METAP1D: variants seen among roughly 807,000 people sequenced by gnomAD.
METAP1D encodes the protein methionine aminopeptidase 1D, mitochondrial.
In METAP1D, 31 loss-of-function variants were observed where a neutral mutation model predicts 40.5. The ratio of observed to expected loss-of-function variants is 0.77; its 90% CI spans 0.58 to 1.03. The LOEUF is 1.03. METAP1D is among the 50% of genes least tolerant of loss of function. METAP1D has a pLI of 0.00. For missense variants in METAP1D, 411 were observed against 420.7 expected (o/e 0.98, Z 0.20); for synonymous variants, 151 against 146.4 (o/e 1.03, Z -0.22).
intron 8 of METAP1D, 109 bp from the exon 9 acceptor site, chr2:172,080,019 A>C: frequency 3.4e-6 from 3 of 891,598 alleles, no homozygotes; most frequent in South Asian, 3.2e-5. Context: ...CTGTGGGGGA[A>C]GCACTTGAGG....
chr2:172,006,233 G>C (rs966716776), intron 1 of METAP1D, among the ~76,000 whole-genome samples: 4 of 151,354 alleles, frequency 2.6e-5, no homozygotes, highest in African/African-American at 4.9e-5. Context: ...ACCCAGGCTG[G>C]AGTGCAGTGG....
At chr2:172,003,649 C>T (rs560578968) in intron 1 of METAP1D, among the ~76,000 whole-genome samples, 2 of 152,226 alleles carry the variant, frequency 1.3e-5, no homozygotes, top group African/African-American at 4.8e-5. Flanking sequence ...TGAGGCCTCC[C>T]GAGCCATGCA....
At chr2:172,057,310 T>G (rs756780711) in intron 1 of METAP1D, among the ~76,000 whole-genome samples, 34 of 150,772 alleles carry the variant, frequency 2.3e-4, no homozygotes, top group Non-Finnish European at 4.3e-4. Flanking sequence ...ATTAGCATTA[T>G]CATTATTAAT....
chr2:172,041,725 TTTATATATA>T lies in METAP1D; in HGVS notation c.41-19771_41-19763del, dbSNP rs1462943830. ...GTTTTAATTTCCTTACTCTAATTAT[TTTATATATA>T]TATATATATATATATATATATATAT... is the stretch of plus-strand genomic sequence containing the variant. On this transcript the variant is annotated intron_variant, in intron 1 of 9. Transcript: ENST00000315796. 1.5e-4 allele frequency among the ~76,000 whole-genome samples: 6 copies of T among 39,810 alleles called. 1 individual carries two copies. The highest frequency in any genetic ancestry group is 4.5e-4 in the African/African-American group (6 of 13,386). The allele number at this position is 39,810 out of a possible 152,430, so 26.1% of individuals were successfully genotyped here.
At chr2:172,023,968 C>T (rs1376216082) in intron 1 of METAP1D, among the ~76,000 whole-genome samples, 1 of 151,940 alleles carries the variant, frequency 6.6e-6, no homozygotes, top group Non-Finnish European at 1.5e-5. Flanking sequence ...CATTCCCCCA[C>T]CTCAGCCTCC....
chr2:172,051,654 G>A (rs1003365316), intron 1 of METAP1D, among the ~76,000 whole-genome samples: 3 of 152,020 alleles, frequency 2.0e-5, no homozygotes, highest in Non-Finnish European at 4.4e-5. Context: ...ATTGGAAGAG[G>A]GTACCCTCAG....
intron 1 of METAP1D, among the ~76,000 whole-genome samples, chr2:172,046,762 G>C (rs917915165): frequency 3.9e-5 from 6 of 152,120 alleles, no homozygotes; most frequent in African/African-American, 1.2e-4. Context: ...TTTTATCATA[G>C]TTTCATTAAA....
Position 172,061,570 on chromosome 2 carries a change from G to T in METAP1D, c.113G>T (p.Arg38Ile). 1.9e-6 allele frequency: 3 copies of T among 1,613,790 alleles called. No homozygotes were observed. The highest frequency in any genetic ancestry group is 2.5e-6 in the Non-Finnish European group (3 of 1,179,860). Reference sequence around the variant, plus strand: ...AAGCAGTCAAGCAGTCAACAAAGAAGAAATTTCTTTTTTCGGAGACAAAGA... The same window carrying T: ...AAGCAGTCAAGCAGTCAACAAAGAATAAATTTCTTTTTTCGGAGACAAAGA... ...LHKQSSSQQRRNFFFRRQRDI... is the reference protein window; with the variant it reads ...LHKQSSSQQRINFFFRRQRDI... Residue 38 changes from arginine to isoleucine, a missense_variant, in exon 2 of 10, where the codon AGA becomes ATA. Physicochemically the swap from Arg to Ile is moderately conservative, Grantham distance 97. Transcript: ENST00000315796.
intron 1 of METAP1D, among the ~76,000 whole-genome samples, chr2:172,032,196 C>A (rs986554491): frequency 6.6e-6 from 1 of 152,190 alleles, no homozygotes; most frequent in African/African-American, 2.4e-5. Flanking sequence ...CTCCCAGCCT[C>A]ATCCCACTCC....
intron 1 of METAP1D, among the ~76,000 whole-genome samples, chr2:172,050,798 A>T (rs10171214): frequency 6.6e-6 from 1 of 152,292 alleles, no homozygotes; most frequent in East Asian, 1.9e-4. Flanking sequence ...AATGATATTA[A>T]GGCATCCAGA....
chr2:172,064,009 G>T, intron 3 of METAP1D, 149 bp downstream of exon 3: 2 of 1,020,504 alleles, frequency 2.0e-6, no homozygotes, highest in Non-Finnish European at 2.6e-6. Flanking sequence ...TAAAAATTAA[G>T]TAAAGCCTTG....
chr2:172,032,039 G>A (rs1689253252), intron 1 of METAP1D, among the ~76,000 whole-genome samples: 2 of 152,152 alleles, frequency 1.3e-5, no homozygotes, highest in African/African-American at 4.8e-5. Flanking sequence ...CCAGATGTAG[G>A]GAGCAAGGGT....
At chr2:172,018,082 G>T (rs1429602274) in intron 1 of METAP1D, among the ~76,000 whole-genome samples, 1 of 135,688 alleles carries the variant, frequency 7.4e-6, no homozygotes, top group Non-Finnish European at 1.5e-5. Context: ...AGCTGAGATC[G>T]CACCACTGCA....
intron 1 of METAP1D, among the ~76,000 whole-genome samples, chr2:172,041,441 A>G (rs1689520145): frequency 9.7e-6 from 1 of 103,104 alleles, no homozygotes; most frequent in South Asian, 3.4e-4. Flanking sequence ...CCTGGGTGAC[A>G]GCGCAAGACT....
At chr2:172,060,749 T>C (rs988796984) in intron 1 of METAP1D, among the ~76,000 whole-genome samples, 2 of 152,192 alleles carry the variant, frequency 1.3e-5, no homozygotes, top group African/African-American at 2.4e-5. Context: ...TTGGAAACAT[T>C]TGAGTTGTTT....
chr2:172,074,611 A>G (rs1390236602), intron 6 of METAP1D, among the ~76,000 whole-genome samples: 1 of 152,240 alleles, frequency 6.6e-6, no homozygotes, highest in East Asian at 1.9e-4. Flanking sequence ...TTGAAACAAA[A>G]AAAATCTACT....
intron 1 of METAP1D, among the ~76,000 whole-genome samples, chr2:172,020,308 T>A (rs1688976377): frequency 6.6e-6 from 1 of 152,196 alleles, no homozygotes; most frequent in African/African-American, 2.4e-5. Context: ...AAGTGGTTTT[T>A]AAAATCTACT....
At chr2:172,042,946 C>T (rs1428566649) in intron 1 of METAP1D, among the ~76,000 whole-genome samples, 1 of 125,680 alleles carries the variant, frequency 8.0e-6, no homozygotes, top group African/African-American at 2.7e-5. Flanking sequence ...TACACGTATG[C>T]GTACCTGTGT....
intron 1 of METAP1D, among the ~76,000 whole-genome samples, chr2:172,023,747 C>T (rs978460768): frequency 7.3e-5 from 11 of 151,608 alleles, no homozygotes; most frequent in African/African-American, 2.2e-4. Context: ...ATGCACCCCC[C>T]AAAAAAGATG....
Sources: gnomAD v4.1 joint callset for allele counts (sites outside exome capture counted in the v4.1 genomes callset) on GRCh38, gnomAD v4.1.1 for gene constraint, MANE v1.5 for transcripts, NCBI Gene and HGNC (gene_info 2026-07-23, HGNC 2026-07-21) for gene names.